Variants in RIMS1 observed in about 807,000 individuals in gnomAD.
RIMS1 encodes the protein regulating synaptic membrane exocytosis 1, also known as regulating synaptic membrane exocytosis protein 1.
Under a neutral mutation model 214.1 loss-of-function variants are expected in RIMS1, and 83 were observed. That is an observed-to-expected ratio of 0.39 (90% CI 0.32 to 0.47). The LOEUF (loss-of-function observed/expected upper bound fraction) is 0.47. RIMS1 is among the 20% of genes least tolerant of loss of function. RIMS1 has a pLI of 0.99. For synonymous variants in RIMS1, 793 were observed against 786.8 expected (o/e 1.01, Z -0.13); for missense variants, 2,050 against 2,161.8 (o/e 0.95, Z 1.03).
At position 72,179,934 on chromosome 6, in the gene RIMS1, T is replaced by A; in HGVS notation, c.812+19T>A. ...GAGAGAGGTAATAGTTCTTTCACCC[T>A]GTAAGCAAAAGGCAAGATTTTGCTA... On this transcript the variant is annotated intron_variant, in intron 5 of 33. Transcript: ENST00000521978. 7.1e-7 allele frequency: 1 copy of A among 1,407,730 alleles called. No individual in the cohort carries two copies. Among genetic ancestry groups the A allele is most frequent in the Admixed American group, 2.7e-5 (1 of 37,004 alleles). The allele number at this position is 1,407,730 out of a possible 1,614,324, so 87.2% of individuals were successfully genotyped here.
chr6:72,007,728 T>C (rs10942990), intron 2 of RIMS1, among the ~76,000 whole-genome samples: 17,758 of 152,160 alleles, frequency 0.12, 1,211 homozygotes, highest in South Asian at 0.18. Context: ...GTATCGGTGA[T>C]GGAAGATCAA....
chr6:71,977,157 C>A (rs1463057952), intron 2 of RIMS1, among the ~76,000 whole-genome samples: 1 of 152,160 alleles, frequency 6.6e-6, no homozygotes, highest in African/African-American at 2.4e-5. Context: ...TAATTTCTCT[C>A]AATGTCTGGG....
At chr6:72,216,698 T>A in intron 6 of RIMS1, 1 of 985,692 alleles carries the variant, frequency 1.0e-6, no homozygotes, top group Non-Finnish European at 1.2e-6. Context: ...TCCATGGGTA[T>A]CCCAGTGAGT....
At chr6:72,246,005 G>A in intron 11 of RIMS1, 144 bp downstream of exon 11, 1 of 554,670 alleles carries the variant, frequency 1.8e-6, no homozygotes. Flanking sequence ...TGGCAATGAT[G>A]GCAATAACTG....
chr6:71,986,588 A>G (rs979813383), intron 2 of RIMS1, among the ~76,000 whole-genome samples: 3 of 152,258 alleles, frequency 2.0e-5, no homozygotes, highest in Non-Finnish European at 2.9e-5. Context: ...GAAAATAGAA[A>G]TGACTCTGAA....
At chr6:72,374,274 T>G (rs1365869168) in intron 29 of RIMS1, among the ~76,000 whole-genome samples, 1 of 152,218 alleles carries the variant, frequency 6.6e-6, no homozygotes, top group South Asian at 2.1e-4. Flanking sequence ...CCATTTCTTT[T>G]TATGTCCTAA....
intron 4 of RIMS1, among the ~76,000 whole-genome samples, chr6:72,109,246 T>C (rs996453119): frequency 1.3e-5 from 2 of 152,116 alleles, no homozygotes; most frequent in African/African-American, 4.8e-5. Context: ...AAATGGTATT[T>C]CTAGTTCTAG....
At chr6:72,182,216 A>C (rs529896444) in intron 5 of RIMS1, 68 bp from the exon 6 acceptor site, 1 of 1,453,962 alleles carries the variant, frequency 6.9e-7, no homozygotes, top group South Asian at 1.5e-5. Context: ...CTGGAATGAG[A>C]AGAAAACATG....
At chr6:71,890,419 G>A (rs188608805) in intron 1 of RIMS1, among the ~76,000 whole-genome samples, 738 of 36,336 alleles carry the variant, frequency 0.02, 7 homozygotes, top group African/African-American at 0.093. Flanking sequence ...TGTTCTGAAG[G>A]CTTTCTGAAA....
intron 2 of RIMS1, among the ~76,000 whole-genome samples, chr6:72,074,448 G>A (rs1248494203): frequency 6.6e-6 from 1 of 152,148 alleles, no homozygotes; most frequent in African/African-American, 2.4e-5. Context: ...TGGATCACTC[G>A]AGTACAGGAG....
chr6:72,288,887 A>C (rs2092857438), intron 24 of RIMS1, among the ~76,000 whole-genome samples: 1 of 152,214 alleles, frequency 6.6e-6, no homozygotes, highest in Non-Finnish European at 1.5e-5. Context: ...TGTCAAAGAA[A>C]AAAAACATAT....
intron 4 of RIMS1, among the ~76,000 whole-genome samples, chr6:72,150,240 AGT>A (rs1369094567): frequency 7.2e-5 from 11 of 152,056 alleles, no homozygotes; most frequent in African/African-American, 1.2e-4. Flanking sequence ...TGGGCATGAC[AGT>A]GTAAAAAAAA....
At chr6:72,298,753 A>G (rs1050409744) in intron 26 of RIMS1, among the ~76,000 whole-genome samples, 2 of 152,044 alleles carry the variant, frequency 1.3e-5, no homozygotes, top group East Asian at 1.9e-4. Flanking sequence ...GGAGAAGCCC[A>G]CTTAGTTTCT....
chr6:72,254,286 G>A (rs2074817858), intron 16 of RIMS1, among the ~76,000 whole-genome samples: 1 of 152,118 alleles, frequency 6.6e-6, no homozygotes, highest in Non-Finnish European at 1.5e-5. Context: ...GTATCAGTGA[G>A]AGATTTAGAT....
intron 4 of RIMS1, among the ~76,000 whole-genome samples, chr6:72,117,364 C>G (rs2037292376): frequency 2.6e-5 from 4 of 151,990 alleles, no homozygotes; most frequent in Admixed American, 2.0e-4. Flanking sequence ...TAAGAATGTT[C>G]TGTAAGTATC....
In RIMS1 at chr6:72,182,695, G is replaced by A. The variant is rs2048541657; in HGVS notation, c.1224G>A (p.Lys408=). The part of the protein sequence containing the change: ...TEAGAALPEG[K]AGKRAPAAAR... Reference sequence around the variant, plus strand: ...CGGGCGCGGCGCTGCCGGAGGGCAAGGCCGGCAAACGCGCGCCGGCGGCAG... The same window carrying A: ...CGGGCGCGGCGCTGCCGGAGGGCAAAGCCGGCAAACGCGCGCCGGCGGCAG... Residue 408 remains lysine, a synonymous_variant, in exon 6 of 34, where the codon AAG becomes AAA. Transcript: ENST00000521978. 1 of 1,504,676 alleles carries A rather than the reference G, an allele frequency of 6.6e-7. No individual in the cohort carries two copies. Among genetic ancestry groups the A allele is most frequent in the Non-Finnish European group, 8.8e-7 (1 of 1,132,056 alleles). 93.2% of individuals were successfully genotyped at this position (1,504,676 alleles called of 1,614,324 possible).
chr6:71,960,560 C>T (rs891805349), intron 1 of RIMS1, among the ~76,000 whole-genome samples: 1 of 152,042 alleles, frequency 6.6e-6, no homozygotes, highest in Non-Finnish European at 1.5e-5. Context: ...TGTCATGGGT[C>T]GTGGAACAAA....
At chr6:72,134,226 G>A (rs2040908463) in intron 4 of RIMS1, among the ~76,000 whole-genome samples, 1 of 151,846 alleles carries the variant, frequency 6.6e-6, no homozygotes, top group African/African-American at 2.4e-5. Flanking sequence ...GTTGTTTATA[G>A]GGTAATGTTT....
chr6:71,932,117 C>T (rs1305044936), intron 1 of RIMS1, among the ~76,000 whole-genome samples: 1 of 152,040 alleles, frequency 6.6e-6, no homozygotes, highest in Non-Finnish European at 1.5e-5. Flanking sequence ...CTCAGCAACC[C>T]CATTACTGTG....
Sources: allele counts gnomAD v4.1 joint callset (sites outside exome capture counted in the v4.1 genomes callset), GRCh38; gene constraint gnomAD v4.1.1; transcripts MANE v1.5; gene names NCBI Gene and HGNC (gene_info 2026-07-23, HGNC 2026-07-21).